The following MSRA variants were observed in gnomAD, a reference collection of about 807,000 sequenced individuals.
MSRA encodes mitochondrial peptide methionine sulfoxide reductase.
Under a neutral mutation model 31.3 loss-of-function variants are expected in MSRA, and 54 were observed. The observed-to-expected ratio is 1.73, with a 90% CI of 1.39 to 2.17. The LOEUF (loss-of-function observed/expected upper bound fraction) is 2.17. Ranked by LOEUF, MSRA falls within the 30% of genes most tolerant of loss-of-function variation. MSRA has a pLI of 0.00. For synonymous variants in MSRA, 169 were observed against 116.5 expected, an observed-to-expected ratio of 1.45 and a Z score of -2.90; for missense variants, 507 against 300.9, an observed-to-expected ratio of 1.69 and a Z score of -5.07.
At chr8:10,305,612 C>T (rs1008812027) in intron 4 of MSRA, among the ~76,000 whole-genome samples, 4 of 152,148 alleles carry the variant, frequency 2.6e-5, no homozygotes, top group Non-Finnish European at 4.4e-5. Context: ...TGGGGTTTCA[C>T]CATGTTGGTC....
Position 10,352,123 on chromosome 8 carries a change from G to A in MSRA, c.543+32134G>A, listed in dbSNP as rs567090553. ...GCTCCTGATTGATCATTGGGCATCAGCTATTTTGTGTGCTGGTGCCGATGA... is the reference window on the plus strand; with the variant it reads ...GCTCCTGATTGATCATTGGGCATCAACTATTTTGTGTGCTGGTGCCGATGA... On this transcript the variant is annotated intron_variant, in intron 5 of 5. Coordinates refer to ENST00000317173, the MANE Select transcript of MSRA (RefSeq NM_012331.5). Among the ~76,000 whole-genome samples, 4 of 152,336 alleles carry A rather than the reference G, an allele frequency of 2.6e-5. No individual in the cohort carries two copies. In the East Asian group the frequency reaches 7.7e-4, roughly 29 times the overall value.
chr8:10,089,056 G>C lies in MSRA; in HGVS notation c.142+34398G>C, dbSNP rs556646629. 3.4e-3 allele frequency among the ~76,000 whole-genome samples: 522 copies of C among 152,138 alleles called. 2 individuals are homozygous for C. The highest frequency in any genetic ancestry group is 6.2e-3 in the Non-Finnish European group (420 of 68,006). ...AAACAGATATATTGGACAAATGAGA[G>C]ATCTAATGTACATCATGACTAAAGT... is the stretch of plus-strand genomic sequence containing the variant. On this transcript the variant is annotated intron_variant, in intron 1 of 5. Coordinates refer to ENST00000317173, the MANE Select transcript of MSRA (RefSeq NM_012331.5).
Position 10,080,421 on chromosome 8 carries a change from G to A in MSRA, c.142+25763G>A, listed in dbSNP as rs572807423. 2.0e-5 allele frequency among the ~76,000 whole-genome samples: 3 copies of A among 151,818 alleles called. No homozygotes were observed. In the East Asian group the frequency reaches 5.8e-4, roughly 29 times the overall value. On this transcript the variant is annotated intron_variant, in intron 1 of 5. Coordinates refer to ENST00000317173, the MANE Select transcript of MSRA (RefSeq NM_012331.5). ...ACTCAGGCAGTTTGGAAGGAGAACC[G>A]TGCTGTGGTTTCCTCCAGGAGCCGA...
At chr8:10,306,129 G>A (rs897900691) in intron 4 of MSRA, among the ~76,000 whole-genome samples, 1 of 152,058 alleles carries the variant, frequency 6.6e-6, no homozygotes. Context: ...GCAACGTGGT[G>A]GGTGCCTGAG....
intron 1 of MSRA, among the ~76,000 whole-genome samples, chr8:10,138,953 A>G (rs1802489181): frequency 6.6e-6 from 1 of 152,216 alleles, no homozygotes; most frequent in Admixed American, 6.5e-5. Flanking sequence ...ATACACAGGT[A>G]GAGGCTGGGT....
chr8:10,405,770 C>G (rs896208862), intron 5 of MSRA, among the ~76,000 whole-genome samples: 1 of 49,950 alleles, frequency 2.0e-5, no homozygotes, highest in Non-Finnish European at 7.8e-5. Flanking sequence ...CTCACACACA[C>G]CTATGTGCTC....
chr8:10,385,394 G>A (rs1806323468), intron 5 of MSRA, among the ~76,000 whole-genome samples: 2 of 152,230 alleles, frequency 1.3e-5, no homozygotes, highest in Admixed American at 6.5e-5. Context: ...AGAGTTCAAA[G>A]GAATCTGAGT....
At chr8:10,236,515 G>A (rs1383983817) in intron 2 of MSRA, among the ~76,000 whole-genome samples, 1 of 152,132 alleles carries the variant, frequency 6.6e-6, no homozygotes, top group Admixed American at 6.6e-5. Context: ...AAATCATGGG[G>A]TACATAGAAC....
intron 1 of MSRA, among the ~76,000 whole-genome samples, chr8:10,149,123 C>CTTTTTTTTTTT (rs35648929): frequency 7.1e-6 from 1 of 141,470 alleles, no homozygotes; most frequent in African/African-American, 2.6e-5. Flanking sequence ...ACCTGGCTAA[C>CTTTTTTTTTTT]TTTTTTTTTT....
At chr8:10,339,917 C>T (rs1032211357) in intron 5 of MSRA, among the ~76,000 whole-genome samples, 2 of 152,128 alleles carry the variant, frequency 1.3e-5, no homozygotes, top group African/African-American at 4.8e-5. Context: ...CCCTTCTAGG[C>T]TGTTCTCAGG....
At chr8:10,079,784 T>G (rs1205602568) in intron 1 of MSRA, among the ~76,000 whole-genome samples, 1 of 152,218 alleles carries the variant, frequency 6.6e-6, no homozygotes, top group Non-Finnish European at 1.5e-5. Flanking sequence ...AGAGCCAAGG[T>G]GAGAAGCCAC....
chr8:10,396,593 T>G (rs1007505137), intron 5 of MSRA, among the ~76,000 whole-genome samples: 2 of 152,222 alleles, frequency 1.3e-5, no homozygotes, highest in Non-Finnish European at 2.9e-5. Flanking sequence ...TGTAAGGACT[T>G]CTAGTGTGGG....
intron 3 of MSRA, among the ~76,000 whole-genome samples, chr8:10,266,685 T>C (rs144884839): frequency 0.012 from 1,883 of 152,282 alleles, 20 homozygotes; most frequent in Non-Finnish European, 0.018. Context: ...TCTTATTTTT[T>C]CAGAAATTGT....
chr8:10,208,322 A>G (rs990770540), intron 2 of MSRA, among the ~76,000 whole-genome samples: 1 of 152,022 alleles, frequency 6.6e-6, no homozygotes, highest in Non-Finnish European at 1.5e-5. Context: ...TTCCTTCTCC[A>G]TCATGAATTA....
chr8:10,091,945 G>C (rs568643231), intron 1 of MSRA, among the ~76,000 whole-genome samples: 6 of 152,122 alleles, frequency 3.9e-5, no homozygotes, highest in Admixed American at 2.6e-4. Context: ...CCTCCATACT[G>C]TTTTCCATAA....
intron 5 of MSRA, among the ~76,000 whole-genome samples, chr8:10,372,759 G>A (rs980428926): frequency 1.3e-5 from 2 of 152,204 alleles, no homozygotes; most frequent in Non-Finnish European, 2.9e-5. Flanking sequence ...TTAAATAATA[G>A]CTACTATTTT....
At chr8:10,336,718 A>G (rs1021711066) in intron 5 of MSRA, 3 of 152,168 alleles carry the variant, frequency 2.0e-5, no homozygotes, top group Non-Finnish European at 4.4e-5. Context: ...GTCTGTATTT[A>G]TTCATACATT....
intron 5 of MSRA, among the ~76,000 whole-genome samples, chr8:10,393,832 G>A (rs928828208): frequency 3.3e-5 from 5 of 152,314 alleles, no homozygotes; most frequent in Admixed American, 1.3e-4. Context: ...TGTGCACCAC[G>A]TGTGCACACC....
chr8:10,077,625 C>T (rs372549817), intron 1 of MSRA, among the ~76,000 whole-genome samples: 1 of 152,014 alleles, frequency 6.6e-6, no homozygotes, highest in African/African-American at 2.4e-5. Context: ...GACTGGACCC[C>T]TTTTGTTTTT....
Sources: allele counts gnomAD v4.1 joint callset (sites outside exome capture counted in the v4.1 genomes callset), GRCh38; gene constraint gnomAD v4.1.1; transcripts MANE v1.5; gene names NCBI Gene and HGNC (gene_info 2026-07-23, HGNC 2026-07-21).